Variants in UCMA observed in about 807,000 individuals in gnomAD.
The protein encoded by UCMA is upper zone of growth plate and cartilage matrix associated.
UCMA carries 21 observed loss-of-function variants against 21.8 expected under a neutral mutation model. The observed-to-expected ratio is 0.97, with a 90% CI of 0.68 to 1.39. The LOEUF (loss-of-function observed/expected upper bound fraction) is 1.39, where lower values mean the gene tolerates loss of function less well. Ranked by LOEUF, UCMA falls within the 40% of genes most tolerant of loss-of-function variation. The pLI is 0.00. For synonymous variants in UCMA, 76 were observed against 67.9 expected, an observed-to-expected ratio of 1.12 and a Z score of -0.58; for missense variants, 193 against 178.9, an observed-to-expected ratio of 1.08 and a Z score of -0.45.
At chr10:13,227,215 G>C (rs1320458586) in intron 4 of UCMA, among the ~76,000 whole-genome samples, 1 of 152,200 alleles carries the variant, frequency 6.6e-6, no homozygotes, top group African/African-American at 2.4e-5. Flanking sequence ...CCTGACCCAG[G>C]GGTGGTTTCC....
intron 4 of UCMA, among the ~76,000 whole-genome samples, chr10:13,227,255 C>T (rs1166687399): frequency 6.6e-6 from 1 of 152,174 alleles, no homozygotes; most frequent in African/African-American, 2.4e-5. Flanking sequence ...TCCGAGGGTG[C>T]TGCCTCCCCA....
Position 13,234,364 on chromosome 10 carries a change from AG to A in UCMA, c.-107del, listed in dbSNP as rs1190945875. 12 of 1,137,248 alleles carry A rather than the reference AG, an allele frequency of 1.1e-5. No homozygotes were observed. Among genetic ancestry groups the A allele is most frequent in the Non-Finnish European group, 1.4e-5 (11 of 805,146 alleles). 70.4% of individuals were successfully genotyped at this position (1,137,248 alleles called of 1,614,324 possible). A position where few individuals can be genotyped will look rare whatever the true frequency, so the allele number is the denominator to read the frequency against. The stretch of plus-strand genomic sequence containing the variant: ...CAGGCAGCCCAGGCGAGAGGAAGGA[AG>A]GCGGGGGAGGGAAGAGAGAGGCAGG... On this transcript the variant is annotated 5_prime_UTR_variant, in exon 1 of 5. Coordinates refer to ENST00000378681, the MANE Select transcript of UCMA (RefSeq NM_145314.3).
chr10:13,231,281 A>G (rs974199012), intron 3 of UCMA, among the ~76,000 whole-genome samples: 9 of 152,298 alleles, frequency 5.9e-5, no homozygotes, highest in Admixed American at 1.3e-4. Flanking sequence ...TGAGTCTGGC[A>G]GAAGGGGTTG....
chr10:13,222,950 C>T (rs1206258659), intron 4 of UCMA, among the ~76,000 whole-genome samples: 4 of 151,730 alleles, frequency 2.6e-5, no homozygotes, highest in African/African-American at 9.7e-5. Flanking sequence ...ATTGGCCAGG[C>T]GGGATGGCTC....
intron 4 of UCMA, among the ~76,000 whole-genome samples, chr10:13,222,517 G>A (rs1834771048): frequency 6.6e-6 from 1 of 152,068 alleles, no homozygotes. Flanking sequence ...TAACAACCAA[G>A]ACACAAGACG....
chr10:13,231,063 T>C (rs940162194), intron 3 of UCMA, among the ~76,000 whole-genome samples: 3 of 107,512 alleles, frequency 2.8e-5, no homozygotes, highest in Admixed American at 1.0e-4. Context: ...AATAAATAAA[T>C]AAACAAACAA....
rs549800133 is a variant in UCMA, at chr10:13,223,320, G to A, written c.320-1120C>T. ...AATGGATACTTCTACGTGAATGTTC[G>A]TAGCGCAACAGTTACAGCAGCCAAG... On this transcript the variant is annotated intron_variant, in intron 4 of 4. Coordinates refer to ENST00000378681, the MANE Select transcript of UCMA (RefSeq NM_145314.3). Among the ~76,000 whole-genome samples the A allele has an allele frequency of 9.3e-4, 141 of 152,066 alleles. 1 individual carries two copies. The highest frequency in any genetic ancestry group is 2.5e-3 in the South Asian group (12 of 4,806).
At chr10:13,225,828 C>A (rs1834817987) in intron 4 of UCMA, among the ~76,000 whole-genome samples, 3 of 152,108 alleles carry the variant, frequency 2.0e-5, no homozygotes, top group Middle Eastern at 6.8e-3. Context: ...GCAAGCAGAA[C>A]CCCGTGCAAC....
In UCMA at chr10:13,233,717, G is replaced by A; in HGVS notation, c.124+18C>T. The A allele has an allele frequency of 6.2e-7, 1 of 1,613,996 alleles. No homozygotes were observed. The highest frequency in any genetic ancestry group is 8.5e-7 in the Non-Finnish European group (1 of 1,180,004). ...CTGGCTGCACCTGCCCTGCCCCGTG[G>A]GTGGCCCCTGCACTCACCTTCACTC... On this transcript the variant is annotated intron_variant, in intron 2 of 4. Coordinates refer to ENST00000378681, the MANE Select transcript of UCMA (RefSeq NM_145314.3).
At chr10:13,224,788 C>T (rs1037706624) in intron 4 of UCMA, among the ~76,000 whole-genome samples, 1 of 152,178 alleles carries the variant, frequency 6.6e-6, no homozygotes, top group Non-Finnish European at 1.5e-5. Flanking sequence ...GGGTGCAGGG[C>T]CCAGTGACCA....
intron 3 of UCMA, among the ~76,000 whole-genome samples, chr10:13,230,145 AAG>A (rs1431873645): frequency 6.6e-6 from 1 of 152,196 alleles, no homozygotes; most frequent in Non-Finnish European, 1.5e-5. Flanking sequence ...CCGAATAAGA[AAG>A]ATTCCGTCCT....
intron 4 of UCMA, among the ~76,000 whole-genome samples, chr10:13,223,225 C>CA (rs199884773): frequency 0.27 from 31,109 of 116,788 alleles, 4,024 homozygotes; most frequent in East Asian, 0.38. Context: ...GATCCTATCT[C>CA]AAAAAAAAAA....
intron 3 of UCMA, among the ~76,000 whole-genome samples, chr10:13,230,993 G>T (rs776341592): frequency 3.9e-5 from 6 of 152,102 alleles, no homozygotes; most frequent in Non-Finnish European, 5.9e-5. Context: ...GGAGGTGGAG[G>T]TTGAGATCAC....
At position 13,222,029 on chromosome 10, in the gene UCMA, G is replaced by A; in HGVS notation, c.*74C>T. 6.5e-7 allele frequency: 1 copy of A among 1,545,594 alleles called. No individual in the cohort carries two copies. The highest frequency in any genetic ancestry group is 8.9e-7 in the Non-Finnish European group (1 of 1,120,788). On this transcript the variant is annotated 3_prime_UTR_variant, in exon 5 of 5. Coordinates refer to ENST00000378681, the MANE Select transcript of UCMA (RefSeq NM_145314.3). ...GACCCTCTGAAGGGCCGGTTTGCAT[G>A]GGAAAGATTGCTGGAACACGGGGAT...
At chr10:13,224,377 A>C (rs933360320) in intron 4 of UCMA, among the ~76,000 whole-genome samples, 1 of 150,310 alleles carries the variant, frequency 6.7e-6, no homozygotes, top group African/African-American at 2.4e-5. Flanking sequence ...GAGAAAGTAA[A>C]GAAAGAGAAG....
chr10:13,227,234 A>G (rs1834833906), intron 4 of UCMA, among the ~76,000 whole-genome samples: 2 of 152,312 alleles, frequency 1.3e-5, no homozygotes, highest in Middle Eastern at 3.4e-3. Context: ...CCTTTTCACT[A>G]GGAGATGCCT....
At position 13,222,630 on chromosome 10, in the gene UCMA, G is replaced by A. The variant is rs192243332; in HGVS notation, c.320-430C>T. On this transcript the variant is annotated intron_variant, in intron 4 of 4. Coordinates refer to ENST00000378681, the MANE Select transcript of UCMA (RefSeq NM_145314.3). ...TGAAAACATGAAGGAAATCATTGTCGACTTGGAGTTTTTTTTCCTCCATAC... is the reference window on the plus strand; with the variant it reads ...TGAAAACATGAAGGAAATCATTGTCAACTTGGAGTTTTTTTTCCTCCATAC... Among the ~76,000 whole-genome samples the A allele has an allele frequency of 1.3e-3, 195 of 152,130 alleles. No homozygotes were observed. The Middle Eastern group carries it at 0.024, about 19-fold the overall frequency.
rs1327365291 is a variant in UCMA at position 13,223,251 on chromosome 10, G to GA, written c.320-1052dup. 5.4e-5 allele frequency among the ~76,000 whole-genome samples: 8 copies of GA among 149,188 alleles called. No individual in the cohort carries two copies. In the South Asian group the frequency reaches 6.4e-4, roughly 12 times the overall value. ...AAAAAAAAAAAAAACACAAAAGAAA[G>GA]AAAAAAAGAAAATGCCCAAAAGAAT... On this transcript the variant is annotated intron_variant, in intron 4 of 4. Transcript: ENST00000378681.
At position 13,233,614 on chromosome 10, in the gene UCMA, G is replaced by A. The variant is rs1834929460; in HGVS notation, c.144C>T (p.Phe48=). The change falls in exon 3 of 5, where the codon TTC becomes TTT. Residue 48 remains phenylalanine (F), a synonymous_variant. Transcript: ENST00000378681. ...EASEDAKQKI[F]MQESDASNFL... ...AATTCGAGGCATCTGATTCCTGCATGAAAATCTTCTGTTTTGCATCTGAAA... is the reference window on the plus strand; with the variant it reads ...AATTCGAGGCATCTGATTCCTGCATAAAAATCTTCTGTTTTGCATCTGAAA... 1 of 1,614,136 alleles carries A rather than the reference G, an allele frequency of 6.2e-7. No individual in the cohort carries two copies. The highest frequency in any genetic ancestry group is 8.5e-7 in the Non-Finnish European group (1 of 1,180,028).
Sources: gnomAD v4.1 joint callset for allele counts (sites outside exome capture counted in the v4.1 genomes callset) on GRCh38, gnomAD v4.1.1 for gene constraint, MANE v1.5 for transcripts, NCBI Gene and HGNC (gene_info 2026-07-23, HGNC 2026-07-21) for gene names.